Variants in ATF7IP2 observed in about 807,000 individuals in gnomAD.
ATF7IP2 encodes activating transcription factor 7-interacting protein 2.
ATF7IP2 carries 42 observed loss-of-function variants against 64.2 expected under a neutral mutation model. The observed-to-expected ratio is 0.65, with a 90% CI of 0.51 to 0.85. ATF7IP2 has a LOEUF of 0.85. Ranked by LOEUF, ATF7IP2 falls within the 40% of genes least tolerant of loss-of-function variation. The pLI is 0.00. For synonymous variants in ATF7IP2, 308 were observed against 272.8 expected (o/e 1.13, Z -1.27); for missense variants, 933 against 784.2 (o/e 1.19, Z -2.27).
intron 9 of ATF7IP2, among the ~76,000 whole-genome samples, chr16:10,464,925 G>A (rs915403473): frequency 6.6e-6 from 1 of 152,148 alleles, no homozygotes; most frequent in African/African-American, 2.4e-5. Flanking sequence ...TCCCCTCCTG[G>A]GTTTAGGTGA....
intron 1 of ATF7IP2, among the ~76,000 whole-genome samples, chr16:10,391,156 CAAA>C (rs60844905): frequency 9.9e-5 from 14 of 140,844 alleles, no homozygotes; most frequent in Non-Finnish European, 1.4e-4. Context: ...GACCCTGTCT[CAAA>C]AAAAAAAAAA....
intron 1 of ATF7IP2, among the ~76,000 whole-genome samples, chr16:10,394,732 A>G (rs1243619496): frequency 6.6e-6 from 1 of 152,246 alleles, no homozygotes; most frequent in Non-Finnish European, 1.5e-5. Context: ...ATTTACAAAT[A>G]TGTTGAAATT....
intron 1 of ATF7IP2, among the ~76,000 whole-genome samples, chr16:10,397,330 C>T (rs2047439703): frequency 6.6e-6 from 1 of 152,130 alleles, no homozygotes; most frequent in Admixed American, 6.5e-5. Context: ...GTACCACATA[C>T]ATTATCCATT....
intron 11 of ATF7IP2, 93 bp downstream of exon 11, chr16:10,473,627 T>C (rs2049889122): frequency 1.1e-6 from 1 of 904,250 alleles, no homozygotes; most frequent in Admixed American, 2.3e-5. Context: ...GATTTAGTTT[T>C]AGTCCACGTT....
At chr16:10,399,453 C>A (rs2047484241) in intron 1 of ATF7IP2, among the ~76,000 whole-genome samples, 2 of 152,192 alleles carry the variant, frequency 1.3e-5, no homozygotes, top group Admixed American at 6.5e-5. Context: ...TGTGTCCTTT[C>A]TGCAGCATAT....
chr16:10,449,117 T>A (rs566974664), intron 8 of ATF7IP2: 23 of 152,316 alleles, frequency 1.5e-4, no homozygotes, highest in African/African-American at 5.3e-4. Context: ...TTAAGTTTAT[T>A]GATTTGTGTA....
At position 10,402,145 on chromosome 16, in the gene ATF7IP2, A is replaced by G. The variant is rs143927390; in HGVS notation, c.-241-12429A>G. ...TCTTCTGCTAATTTTTGGCTTGATT[A>G]TTTTTCTAGTCTCTTGAGGTACAAT... On this transcript the variant is annotated intron_variant, in intron 1 of 13. Transcript: ENST00000562102. Among the ~76,000 whole-genome samples, 1,046 of 151,432 alleles carry G rather than the reference A, an allele frequency of 6.9e-3. 14 individuals are homozygous for G. Among genetic ancestry groups the G allele is most frequent in the African/African-American group, 0.024 (999 of 41,282 alleles).
At chr16:10,475,992 C>CTGTTTT (rs2049995735) in intron 12 of ATF7IP2, among the ~76,000 whole-genome samples, 1 of 152,154 alleles carries the variant, frequency 6.6e-6, no homozygotes, top group African/African-American at 2.4e-5. Context: ...CTGTTGTAGT[C>CTGTTTT]TGTTTTAATT....
intron 9 of ATF7IP2, among the ~76,000 whole-genome samples, chr16:10,462,252 C>A (rs945235802): frequency 4.6e-5 from 7 of 152,006 alleles, no homozygotes; most frequent in Admixed American, 6.6e-5. Context: ...CTACTATGTA[C>A]CATCATTTTT....
At chr16:10,398,311 A>T (rs536276593) in intron 1 of ATF7IP2, among the ~76,000 whole-genome samples, 133 of 148,242 alleles carry the variant, frequency 9.0e-4, no homozygotes, top group South Asian at 5.8e-3. Flanking sequence ...CTCAAAAAAA[A>T]AAAAATAATA....
chr16:10,410,338 TTTTG>T (rs2047730863), intron 1 of ATF7IP2, among the ~76,000 whole-genome samples: 2 of 138,498 alleles, frequency 1.4e-5, no homozygotes, highest in African/African-American at 2.8e-5. Flanking sequence ...TTTTGTTTTG[TTTTG>T]TTTTGTTTTG....
Position 10,481,950 on chromosome 16 carries a change from A to C in ATF7IP2, c.1750A>C (p.Lys584Gln). 1.2e-6 allele frequency: 2 copies of C among 1,614,192 alleles called. No homozygotes were observed. Among genetic ancestry groups the C allele is most frequent in the Non-Finnish European group, 1.7e-6 (2 of 1,180,020 alleles). Residue 584 changes from lysine to glutamine, a missense_variant, in exon 14 of 14, where the codon AAA becomes CAA. Coordinates refer to ENST00000562102, the MANE Select transcript of ATF7IP2 (RefSeq NM_001393719.1). ...TCCCCAGAAGCCTGAGCTCAAAGTG[A>C]AACGGGTTTTCAGACCCAATGGCAT... The part of the protein sequence containing the change: ...LPPQKPELKV[K>Q]RVFRPNGIAL...
At chr16:10,425,225 G>GTTT (rs35528504) in intron 3 of ATF7IP2, among the ~76,000 whole-genome samples, 1 of 134,710 alleles carries the variant, frequency 7.4e-6, no homozygotes, top group Non-Finnish European at 1.6e-5. Flanking sequence ...TGCCTGGCTA[G>GTTT]TTTTTTTTTT....
At chr16:10,462,577 T>C (rs550348473) in intron 9 of ATF7IP2, among the ~76,000 whole-genome samples, 3 of 152,296 alleles carry the variant, frequency 2.0e-5, no homozygotes, top group East Asian at 3.9e-4. Context: ...GTTTTATTTT[T>C]GCTTTTTCAA....
In ATF7IP2 at chr16:10,438,097, C is replaced by G; in HGVS notation, c.961-4C>G. On this transcript the variant is annotated splice_region_variant and splice_polypyrimidine_tract_variant and intron_variant, in intron 6 of 13. Coordinates refer to ENST00000562102, the MANE Select transcript of ATF7IP2 (RefSeq NM_001393719.1). The stretch of plus-strand genomic sequence containing the variant: ...GTGTTTTGGTTTTTATTTTAAAATT[C>G]TAGGTCAGACATTTGATTCAGCAGG... 1 of 1,527,572 alleles carries G rather than the reference C, an allele frequency of 6.5e-7. No homozygotes were observed. Among genetic ancestry groups the G allele is most frequent in the South Asian group, 1.3e-5 (1 of 76,656 alleles). 94.6% of individuals were successfully genotyped at this position (1,527,572 alleles called of 1,614,324 possible).
chr16:10,463,647 C>T (rs768215817), intron 9 of ATF7IP2, among the ~76,000 whole-genome samples: 42 of 152,154 alleles, frequency 2.8e-4, no homozygotes, highest in Admixed American at 2.7e-3. Flanking sequence ...ACTGCAACCT[C>T]ATGAGAAAAC....
At chr16:10,437,147 G>T (rs1032511835) in intron 6 of ATF7IP2, among the ~76,000 whole-genome samples, 2 of 151,704 alleles carry the variant, frequency 1.3e-5, no homozygotes, top group African/African-American at 4.8e-5. Context: ...TCAGCCTCCA[G>T]AGTAGCTGAG....
chr16:10,451,465 G>C (rs985581791), intron 8 of ATF7IP2, among the ~76,000 whole-genome samples: 3 of 152,092 alleles, frequency 2.0e-5, no homozygotes, highest in African/African-American at 4.8e-5. Flanking sequence ...TCAAACATAG[G>C]TGTGGTCTTT....
intron 13 of ATF7IP2, 138 bp downstream of exon 13, chr16:10,481,102 A>G: frequency 3.2e-6 from 2 of 629,278 alleles, no homozygotes; most frequent in South Asian, 2.0e-5. Flanking sequence ...CTACTTATTT[A>G]TACAATTAAA....
Sources: gnomAD v4.1 joint callset for allele counts (sites outside exome capture counted in the v4.1 genomes callset) on GRCh38, gnomAD v4.1.1 for gene constraint, MANE v1.5 for transcripts, NCBI Gene and HGNC (gene_info 2026-07-23, HGNC 2026-07-21) for gene names.